ANO9: variants seen among roughly 807,000 people sequenced by gnomAD.
The protein encoded by ANO9 is anoctamin-9.
A neutral mutation model predicts 100.5 loss-of-function variants in ANO9; 80 were observed. That is an observed-to-expected ratio of 0.80 (90% CI 0.66 to 0.96). The LOEUF (loss-of-function observed/expected upper bound fraction) is 0.96, where lower values mean the gene tolerates loss of function less well. Ranked by LOEUF, ANO9 falls within the 40% of genes least tolerant of loss-of-function variation. The pLI is 0.00. For missense variants in ANO9, 1,064 were observed against 1,072.7 expected (o/e 0.99, Z 0.11); for synonymous variants, 473 against 435.6 (o/e 1.09, Z -1.07).
Position 418,793 on chromosome 11 carries a change from G to T in ANO9, c.2057C>A (p.Pro686His), listed in dbSNP as rs767383937. ...CTGCTCGGAGAAGTTGTAATCGGGG[G>T]GATTGCGGTAGTCCCTGTATCTGGG... ...TLCRYRDYRNPPDYNFSEQFW... is the reference protein window; with the variant it reads ...TLCRYRDYRNHPDYNFSEQFW... Residue 686 changes from proline to histidine, a missense_variant, in exon 22 of 23, where the codon CCC becomes CAC. Coordinates refer to ENST00000332826, the MANE Select transcript of ANO9 (RefSeq NM_001012302.3). 1.2e-6 allele frequency: 2 copies of T among 1,613,218 alleles called. No individual in the cohort carries two copies. Among genetic ancestry groups the T allele is most frequent in the East Asian group, 4.5e-5 (2 of 44,898 alleles).
intron 1 of ANO9, among the ~76,000 whole-genome samples, chr11:438,285 G>C (rs1231048054): frequency 6.6e-6 from 1 of 151,948 alleles, no homozygotes; most frequent in Non-Finnish European, 1.5e-5. Context: ...CTGCTCCCTC[G>C]GACAAGGCAG....
At chr11:420,372 A>G in intron 19 of ANO9, 91 bp downstream of exon 19, 1 of 1,532,208 alleles carries the variant, frequency 6.5e-7, no homozygotes, top group African/African-American at 1.4e-5. Context: ...CCGAGAGATT[A>G]TTTTTTCCAG....
intron 19 of ANO9, chr11:420,016 C>T (rs1436310306): frequency 3.0e-5 from 41 of 1,353,802 alleles, no homozygotes; most frequent in Non-Finnish European, 3.8e-5. Flanking sequence ...CTCCTGGGTT[C>T]CCACCCCAGG....
At chr11:433,141 A>G in intron 4 of ANO9, 173 bp downstream of exon 4, 1 of 803,756 alleles carries the variant, frequency 1.2e-6, no homozygotes, top group Non-Finnish European at 1.9e-6. Flanking sequence ...GGGATGGGGA[A>G]GCTGAGGCTC....
Position 441,933 on chromosome 11 carries a change from T to C in ANO9, c.-7A>G. 3 of 1,607,632 alleles carry C rather than the reference T, an allele frequency of 1.9e-6. No homozygotes were observed. Among genetic ancestry groups the C allele is most frequent in the Non-Finnish European group, 2.5e-6 (3 of 1,179,270 alleles). On this transcript the variant is annotated 5_prime_UTR_variant, in exon 1 of 23. Transcript: ENST00000332826. ...GCGCAGGACTCACCTGCATGCTGGC[T>C]GTGGCCGGAGTTCCAGCTGGGGTTT...
At chr11:436,928 GGAGGTGAGCA>G (rs1849631675) in intron 1 of ANO9, among the ~76,000 whole-genome samples, 1 of 31,750 alleles carries the variant, frequency 3.1e-5, no homozygotes, top group Non-Finnish European at 5.9e-5. Context: ...GGGGTGAGCA[GGAGGTGAGCA>G]GGGGGTGAGC....
At chr11:420,687 C>T (rs751489884) in intron 18 of ANO9, 31 bp downstream of exon 18, 15 of 1,602,080 alleles carry the variant, frequency 9.4e-6, no homozygotes, top group South Asian at 6.6e-5. Flanking sequence ...CATTCGTCTC[C>T]GCGAACCCCC....
At chr11:423,873 A>G (rs1243039523) in intron 15 of ANO9, among the ~76,000 whole-genome samples, 1 of 133,772 alleles carries the variant, frequency 7.5e-6, no homozygotes, top group Non-Finnish European at 1.6e-5. Context: ...AAAGGAAATC[A>G]CAGTTGAATA....
chr11:430,124 G>A lies in ANO9; in HGVS notation c.730C>T (p.Arg244Cys), dbSNP rs895387041. The change falls in exon 9 of 23, where the codon CGC becomes TGC. Residue 244 changes from arginine to cysteine, a missense_variant. By Grantham distance (180) the Arg-to-Cys change is radical. Transcript: ENST00000332826. ...GTTTCCGAGAGCCGCTGGTACCTGC[G>A]GCTGTGGTCGCCGAGGGGACACATG... ...ILMCPLGDHS[R>C]RYQRLSETCT... is the part of the protein sequence containing the mutation. The A allele has an allele frequency of 2.6e-5, 41 of 1,553,134 alleles. No individual in the cohort carries two copies. Among genetic ancestry groups the A allele is most frequent in the Non-Finnish European group, 3.6e-5 (41 of 1,148,906 alleles).
Position 419,620 on chromosome 11 carries a change from G to T in ANO9, c.1896C>A (p.Arg632=). Residue 632 remains arginine (R), a synonymous_variant, in exon 20 of 23, where the codon CGC becomes CGA. Coordinates refer to ENST00000332826, the MANE Select transcript of ANO9 (RefSeq NM_001012302.3). ...EFIPRVVYKY[R]YSPCLKEGNS... is the part of the protein sequence containing the mutation. ...TGCCTTCTTTCAGGCATGGGCTATA[G>T]CGGTACTTGTAGACCACTCGGGGGA... The T allele has an allele frequency of 6.2e-7, 1 of 1,613,578 alleles. No homozygotes were observed. The highest frequency in any genetic ancestry group is 8.5e-7 in the Non-Finnish European group (1 of 1,179,890).
chr11:432,136 G>T lies in ANO9; in HGVS notation c.351-82C>A. On this transcript the variant is annotated intron_variant, in intron 4 of 22. Transcript: ENST00000332826. The surrounding 1 kb of genome is among the most constrained non-coding windows in gnomAD (Gnocchi z 4.8). ...CTCAACCTGCCCTCTGGTCTGGCCAGGCCCAGGCCCCTCCCTGTCCTGGCA... is the reference window on the plus strand; with the variant it reads ...CTCAACCTGCCCTCTGGTCTGGCCATGCCCAGGCCCCTCCCTGTCCTGGCA... The T allele has an allele frequency of 6.8e-7, 1 of 1,475,126 alleles. No homozygotes were observed. 91.4% of individuals were successfully genotyped at this position (1,475,126 alleles called of 1,614,324 possible).
Position 422,831 on chromosome 11 carries a change from AT to A in ANO9, c.1335-1634del, listed in dbSNP as rs11334527. 0.026 allele frequency among the ~76,000 whole-genome samples: 3,751 copies of A among 142,626 alleles called. 108 individuals are homozygous for A. Among genetic ancestry groups the A allele is most frequent in the African/African-American group, 0.072 (2,794 of 38,910 alleles). The allele number at this position is 142,626 out of a possible 152,430, so 93.6% of individuals were successfully genotyped here. On this transcript the variant is annotated intron_variant, in intron 15 of 22. Coordinates refer to ENST00000332826, the MANE Select transcript of ANO9 (RefSeq NM_001012302.3). The surrounding 1 kb of genome is among the most constrained non-coding windows in gnomAD (Gnocchi z 4.3). Reference sequence around the variant, plus strand: ...ACAATCTTAAGCCAAGTCCCACAGAATTTTTTTTTTTTTTTTCAGACAGAGT... The same window carrying A: ...ACAATCTTAAGCCAAGTCCCACAGAATTTTTTTTTTTTTTTCAGACAGAGT...
intron 9 of ANO9, 48 bp from the exon 10 acceptor site, chr11:429,866 G>C (rs1229989433): frequency 1.3e-6 from 2 of 1,518,770 alleles, no homozygotes; most frequent in African/African-American, 2.7e-5. Context: ...GAGCTGGGGA[G>C]GGGGGCAGGT....
chr11:427,903 AC>A (rs1848616420), intron 15 of ANO9, among the ~76,000 whole-genome samples, 184 bp downstream of exon 15: 1 of 149,664 alleles, frequency 6.7e-6, no homozygotes, highest in South Asian at 2.1e-4. Context: ...TCTTGATGCT[AC>A]CTCGGGGCCC....
rs373063681 is a variant in ANO9, at chr11:430,153, A to G, written c.701T>C (p.Ile234Thr). 3 of 1,553,066 alleles carry G rather than the reference A, an allele frequency of 1.9e-6. No individual in the cohort carries two copies. The African/African-American group carries it at 4.1e-5, about 21-fold the overall frequency. Residue 234 changes from isoleucine to threonine, a missense_variant, in exon 9 of 23, where the codon ATC becomes ACC. Physicochemically the swap from Ile to Thr is moderately conservative, Grantham distance 89. Coordinates refer to ENST00000332826, the MANE Select transcript of ANO9 (RefSeq NM_001012302.3). ...ISKEICEAHD[I>T]LMCPLGDHSR... Reference sequence around the variant, plus strand: ...GTGGTCGCCGAGGGGACACATGAGGATGTCGTGGGCCTCACAGATCTCCTT... The same window carrying G: ...GTGGTCGCCGAGGGGACACATGAGGGTGTCGTGGGCCTCACAGATCTCCTT...
chr11:420,832 G>A lies in ANO9; in HGVS notation c.1519C>T (p.Arg507Trp). The change falls in exon 18 of 23, where the codon CGG becomes TGG. Residue 507 changes from arginine (R) to tryptophan (W), a missense_variant. Physicochemically the swap from Arg to Trp is moderately radical, Grantham distance 101 (BLOSUM62 -3). Transcript: ENST00000332826. ...PWVTHKCRSL[R>W]ASESGHLPRD... Reference sequence around the variant, plus strand: ...GGCAGGTGCCCGGACTCGGAGGCCCGCAGAGAGCGGCACTTGTGGGTCACC... The same window carrying A: ...GGCAGGTGCCCGGACTCGGAGGCCCACAGAGAGCGGCACTTGTGGGTCACC... 1 of 1,589,886 alleles carries A rather than the reference G, an allele frequency of 6.3e-7. No individual in the cohort carries two copies. Among genetic ancestry groups the A allele is most frequent in the Non-Finnish European group, 8.5e-7 (1 of 1,172,106 alleles).
chr11:420,546 C>G lies in ANO9; in HGVS notation c.1703G>C (p.Ser568Thr), dbSNP rs1172294980. The G allele has an allele frequency of 4.4e-6, 7 of 1,606,066 alleles. No individual in the cohort carries two copies. In the Admixed American group the frequency reaches 1.2e-4, roughly 27 times the overall value. The change falls in exon 19 of 23, where the codon AGC becomes ACC. Residue 568 changes from serine (S) to threonine (T), a missense_variant. Coordinates refer to ENST00000332826, the MANE Select transcript of ANO9 (RefSeq NM_001012302.3). ...FPLAPLLALF[S>T]NLVEIRLDAI... ...GTCCAGGCGGATCTCCACGAGGTTG[C>G]TGAAGAGCGCGAGCAGCGGCGCCAG...
rs1247839564 is a variant in ANO9, at chr11:422,345, T to C, written c.1335-1147A>G. Among the ~76,000 whole-genome samples, 2 of 152,264 alleles carry C rather than the reference T, an allele frequency of 1.3e-5. No individual in the cohort carries two copies. The highest frequency in any genetic ancestry group is 2.1e-4 in the South Asian group (1 of 4,838). On this transcript the variant is annotated intron_variant, in intron 15 of 22. Coordinates refer to ENST00000332826, the MANE Select transcript of ANO9 (RefSeq NM_001012302.3). The surrounding 1 kb of genome is among the most constrained non-coding windows in gnomAD (Gnocchi z 4.3). ...TCCACGTGCTCATTCTTGGAGCCTG[T>C]GACCACGTTCTTACCTGGCAAAGGA... is the stretch of plus-strand genomic sequence containing the variant.
At position 430,085 on chromosome 11, in the gene ANO9, T is replaced by G; in HGVS notation, c.769A>C (p.Lys257Gln). 6.4e-7 allele frequency: 1 copy of G among 1,550,440 alleles called. No homozygotes were observed. Among genetic ancestry groups the G allele is most frequent in the Non-Finnish European group, 8.7e-7 (1 of 1,147,320 alleles). Reference protein sequence around the residue: ...QRLSETCTFAKLTHLFDNDGT... With the variant: ...QRLSETCTFAQLTHLFDNDGT... ...GGGTGGACCCGGAGGCGACAAACCT[T>G]GGCAAAAGTGCAGGTTTCCGAGAGC... The change falls in exon 9 of 23, where the codon AAG (lysine) becomes CAG (glutamine). Residue 257 changes from lysine (K) to glutamine (Q), a missense_variant and splice_region_variant. By Grantham distance (53) the Lys-to-Gln change is moderately conservative. Transcript: ENST00000332826.
Sources: gnomAD v4.1 joint callset for allele counts (sites outside exome capture counted in the v4.1 genomes callset) on GRCh38, gnomAD v4.1.1 for gene constraint, Gnocchi (gnomAD v3.1) non-coding constraint, MANE v1.5 for transcripts, NCBI Gene and HGNC (gene_info 2026-07-23, HGNC 2026-07-21) for gene names.